MCIDAS: variants seen among roughly 807,000 people sequenced by gnomAD.
MCIDAS encodes multiciliate differentiation and DNA synthesis associated cell cycle protein, also known as multicilin.
In MCIDAS, 23 loss-of-function variants were observed where a neutral mutation model predicts 35.4. That is an observed-to-expected ratio of 0.65 (90% confidence interval 0.47 to 0.92). The LOEUF (loss-of-function observed/expected upper bound fraction) is 0.92. Ranked by LOEUF, MCIDAS falls within the 40% of genes least tolerant of loss-of-function variation. MCIDAS has a pLI of 0.00. For missense variants in MCIDAS, 480 were observed against 531.8 expected (o/e 0.90, Z 0.96); for synonymous variants, 228 against 235.2 (o/e 0.97, Z 0.28).
Position 55,223,838 on chromosome 5 carries a change from G to A in MCIDAS, c.310-815C>T, listed in dbSNP as rs1259510200. Reference sequence around the variant, plus strand: ...CTTTCAGTTTCCCAAAAAGTTGGGAGTACTCTTTTCTCGTACAGCCGGTGC... The same window carrying A: ...CTTTCAGTTTCCCAAAAAGTTGGGAATACTCTTTTCTCGTACAGCCGGTGC... On this transcript the variant is annotated intron_variant, in intron 3 of 6. Transcript: ENST00000513312. The surrounding 1 kb of genome is among the most constrained non-coding windows in gnomAD (Gnocchi z 4.4). Among the ~76,000 whole-genome samples the A allele has an allele frequency of 6.6e-6, 1 of 152,182 alleles. No individual in the cohort carries two copies. The highest frequency in any genetic ancestry group is 1.9e-4 in the East Asian group (1 of 5,188).
chr5:55,222,903 G>A, intron 4 of MCIDAS, 48 bp downstream of exon 4: 2 of 1,498,712 alleles, frequency 1.3e-6, no homozygotes, highest in East Asian at 2.5e-5. Context: ...TGATTTGGGA[G>A]TGGGGGACAC....
intron 3 of MCIDAS, among the ~76,000 whole-genome samples, chr5:55,225,037 A>C (rs1368279601): frequency 6.6e-6 from 1 of 152,036 alleles, no homozygotes; most frequent in Non-Finnish European, 1.5e-5. Flanking sequence ...CCATCTGTAC[A>C]AAAAGTACAG....
At chr5:55,226,713 T>C (rs1437828233) in intron 2 of MCIDAS, 46 bp from the exon 3 acceptor site, 1 of 1,430,610 alleles carries the variant, frequency 7.0e-7, no homozygotes, top group Non-Finnish European at 9.1e-7. Context: ...GCCCTGAGCC[T>C]CTCCGCCAGG....
In MCIDAS at chr5:55,223,114, G is replaced by A; in HGVS notation, c.310-91C>T. 25 of 1,060,762 alleles carry A rather than the reference G, an allele frequency of 2.4e-5. No homozygotes were observed. The highest frequency in any genetic ancestry group is 3.5e-5 in the Non-Finnish European group (25 of 717,794). The allele number at this position is 1,060,762 out of a possible 1,614,324, so 65.7% of individuals were successfully genotyped here. A position where few individuals can be genotyped will look rare whatever the true frequency, so the allele number is the denominator to read the frequency against. ...GGCGTCCCTGTTAAAAATCTGGCAGGCACTATGCAATATATGCACGTAACA... is the reference window on the plus strand; with the variant it reads ...GGCGTCCCTGTTAAAAATCTGGCAGACACTATGCAATATATGCACGTAACA... On this transcript the variant is annotated intron_variant, in intron 3 of 6. Coordinates refer to ENST00000513312, the MANE Select transcript of MCIDAS (RefSeq NM_001190787.3). The surrounding 1 kb of genome is among the most constrained non-coding windows in gnomAD (Gnocchi z 4.4).
Position 55,220,399 on chromosome 5 carries a change from G to C in MCIDAS, c.1125C>G (p.Asn375Lys). Reference protein sequence around the residue: ...QGNAFTIRTANGGYKFRWVPS With the variant: ...QGNAFTIRTAKGGYKFRWVPS ...GGACCCAGCGGAACTTGTAACCCCC[G>C]TTGGCTGTTCTGATGGTGAAGGCAT... The change falls in exon 7 of 7, where the codon AAC becomes AAG. Residue 375 changes from asparagine to lysine, a missense_variant. Physicochemically the swap from Asn to Lys is moderately conservative, Grantham distance 94. Coordinates refer to ENST00000513312, the MANE Select transcript of MCIDAS (RefSeq NM_001190787.3). The C allele has an allele frequency of 6.5e-7, 1 of 1,535,932 alleles. No homozygotes were observed. Among genetic ancestry groups the C allele is most frequent in the South Asian group, 1.2e-5 (1 of 84,042 alleles).
chr5:55,226,416 C>T (rs1338956689), intron 3 of MCIDAS, among the ~76,000 whole-genome samples, 160 bp downstream of exon 3: 1 of 152,228 alleles, frequency 6.6e-6, no homozygotes, highest in Non-Finnish European at 1.5e-5. Context: ...AGTAGAAGTT[C>T]TGATCTGGGA....
In MCIDAS at chr5:55,227,265, T is replaced by C. The variant is rs1745476885; in HGVS notation, c.-127A>G. The C allele has an allele frequency of 7.9e-7, 1 of 1,271,756 alleles. No homozygotes were observed. Among genetic ancestry groups the C allele is most frequent in the Admixed American group, 4.0e-5 (1 of 25,046 alleles). 78.8% of individuals were successfully genotyped at this position (1,271,756 alleles called of 1,614,324 possible). A position where few individuals can be genotyped will look rare whatever the true frequency, so the allele number is the denominator to read the frequency against. Reference sequence around the variant, plus strand: ...CCAGCCAGAGGTTGGGGCAGGCGCGTGACCGAGAAGGAGCCGAGGGGCTGC... The same window carrying C: ...CCAGCCAGAGGTTGGGGCAGGCGCGCGACCGAGAAGGAGCCGAGGGGCTGC... On this transcript the variant is annotated 5_prime_UTR_variant, in exon 1 of 7. Transcript: ENST00000513312.
chr5:55,222,775 C>T (rs1745385238), intron 4 of MCIDAS, among the ~76,000 whole-genome samples, 176 bp downstream of exon 4: 1 of 152,170 alleles, frequency 6.6e-6, no homozygotes. Context: ...TTCGACTTCT[C>T]CACGGGGGAG....
chr5:55,223,009 T>C lies in MCIDAS; in HGVS notation c.324A>G (p.Gln108=), dbSNP rs551260620. Residue 108 remains glutamine (Q), a synonymous_variant, in exon 4 of 7, where the codon CAA becomes CAG. Coordinates refer to ENST00000513312, the MANE Select transcript of MCIDAS (RefSeq NM_001190787.3). The surrounding 1 kb of genome is among the most constrained non-coding windows in gnomAD (Gnocchi z 4.4). ...CTTGCAGATTGAAGTCTGCTTCCGT[T>C]TGGTGGGAATGGTTCTGAAAAAAAC... is the stretch of plus-strand genomic sequence containing the variant. ...DLAASQNHSH[Q]TEADFNLQDF... is the part of the protein sequence containing the mutation. The C allele has an allele frequency of 2.0e-6, 3 of 1,536,122 alleles. No individual in the cohort carries two copies. In the Admixed American group the frequency reaches 5.9e-5, roughly 30 times the overall value.
Position 55,220,935 on chromosome 5 carries a change from G to T in MCIDAS, c.717+81C>A, listed in dbSNP as rs1045124841. On this transcript the variant is annotated intron_variant, in intron 6 of 6. Transcript: ENST00000513312. ...GTACTCTCCTCTCCCGGGCCCCCAC[G>T]GGTCCCGATGCTGGGCGGGGATGCA... is the stretch of plus-strand genomic sequence containing the variant. 13 of 1,452,604 alleles carry T rather than the reference G, an allele frequency of 8.9e-6. No homozygotes were observed. The African/African-American group carries it at 1.8e-4, about 20-fold the overall frequency. The allele number at this position is 1,452,604 out of a possible 1,614,324, so 90.0% of individuals were successfully genotyped here.
rs1378854643 is a variant in MCIDAS, at chr5:55,220,657, C to T, written c.867G>A (p.Glu289=). The T allele has an allele frequency of 1.3e-6, 2 of 1,535,990 alleles. No homozygotes were observed. The highest frequency in any genetic ancestry group is 8.7e-7 in the Non-Finnish European group (1 of 1,146,882). Residue 289 remains glutamate, a synonymous_variant, in exon 7 of 7, where the codon GAG becomes GAA. Transcript: ENST00000513312. ...EVDAILREIS[E]RCDEALQSRD... Reference sequence around the variant, plus strand: ...GGCTCTGAAGGGCTTCATCGCAGCGCTCGGAAATCTCCCTCAGGATGGCGT... The same window carrying T: ...GGCTCTGAAGGGCTTCATCGCAGCGTTCGGAAATCTCCCTCAGGATGGCGT...
Position 55,227,248 on chromosome 5 carries a change from A to T in MCIDAS, c.-110T>A. ...GCCTGCAGGCTCCGAAGCCAGCCAG[A>T]GGTTGGGGCAGGCGCGTGACCGAGA... On this transcript the variant is annotated 5_prime_UTR_variant, in exon 1 of 7. Coordinates refer to ENST00000513312, the MANE Select transcript of MCIDAS (RefSeq NM_001190787.3). 4 of 1,319,736 alleles carry T rather than the reference A, an allele frequency of 3.0e-6. No individual in the cohort carries two copies. In the South Asian group the frequency reaches 7.4e-5, roughly 24 times the overall value. 81.8% of individuals were successfully genotyped at this position (1,319,736 alleles called of 1,614,324 possible). A position where few individuals can be genotyped will look rare whatever the true frequency, so the allele number is the denominator to read the frequency against.
rs372275669 is a variant in MCIDAS at position 55,227,289 on chromosome 5, G to A, written c.-151C>T. 9.3e-7 allele frequency: 1 copy of A among 1,077,304 alleles called. No homozygotes were observed. The highest frequency in any genetic ancestry group is 1.2e-6 in the Non-Finnish European group (1 of 814,998). 66.7% of individuals were successfully genotyped at this position (1,077,304 alleles called of 1,614,324 possible). A position where few individuals can be genotyped will look rare whatever the true frequency, so the allele number is the denominator to read the frequency against. Reference sequence around the variant, plus strand: ...GTGACCGAGAAGGAGCCGAGGGGCTGCCGAGGAGGTGCTGAGAGATGGCGG... The same window carrying A: ...GTGACCGAGAAGGAGCCGAGGGGCTACCGAGGAGGTGCTGAGAGATGGCGG... On this transcript the variant is annotated 5_prime_UTR_variant, in exon 1 of 7. Coordinates refer to ENST00000513312, the MANE Select transcript of MCIDAS (RefSeq NM_001190787.3).
At chr5:55,222,126 A>G in intron 5 of MCIDAS, 50 bp downstream of exon 5, 1 of 1,510,460 alleles carries the variant, frequency 6.6e-7, no homozygotes, top group Non-Finnish European at 8.9e-7. Context: ...TCCACCCTCT[A>G]TATCCTGTCC....
rs1745320510 is a variant in MCIDAS at position 55,220,012 on chromosome 5, G to A, written c.*354C>T. ...TTGCAGGAAATTACTTAATCTCTTA[G>A]AGCCTTCTTTTCCTTCTTATAATAT... On this transcript the variant is annotated 3_prime_UTR_variant, in exon 7 of 7. Coordinates refer to ENST00000513312, the MANE Select transcript of MCIDAS (RefSeq NM_001190787.3). 1 of 188,548 alleles carries A rather than the reference G, an allele frequency of 5.3e-6. No individual in the cohort carries two copies. The highest frequency in any genetic ancestry group is 2.4e-5 in the African/African-American group (1 of 42,248). 11.7% of individuals were successfully genotyped at this position (188,548 alleles called of 1,614,324 possible).
chr5:55,227,256 G>A lies in MCIDAS; in HGVS notation c.-118C>T. On this transcript the variant is annotated 5_prime_UTR_variant, in exon 1 of 7. Coordinates refer to ENST00000513312, the MANE Select transcript of MCIDAS (RefSeq NM_001190787.3). ...GCTCCGAAGCCAGCCAGAGGTTGGG[G>A]CAGGCGCGTGACCGAGAAGGAGCCG... 2 of 1,307,226 alleles carry A rather than the reference G, an allele frequency of 1.5e-6. No homozygotes were observed. The highest frequency in any genetic ancestry group is 2.0e-6 in the Non-Finnish European group (2 of 1,019,126). 81.0% of individuals were successfully genotyped at this position (1,307,226 alleles called of 1,614,324 possible). A position where few individuals can be genotyped will look rare whatever the true frequency, so the allele number is the denominator to read the frequency against.
Position 55,222,341 on chromosome 5 carries a change from G to T in MCIDAS, c.441C>A (p.Cys147Ter), listed in dbSNP as rs777031813. 4 of 1,533,858 alleles carry T rather than the reference G, an allele frequency of 2.6e-6. No homozygotes were observed. Among genetic ancestry groups the T allele is most frequent in the South Asian group, 2.4e-5 (2 of 83,912 alleles). Residue 147 changes from cysteine to a stop codon, truncating the protein, a stop_gained, in exon 5 of 7, where the codon TGC becomes TGA. Coordinates refer to ENST00000513312, the MANE Select transcript of MCIDAS (RefSeq NM_001190787.3). LOFTEE classifies it high-confidence loss of function. ...GGCAGGGCCCGAATGGTGATATGTC[G>T]CAAGGAGAGAAGGGGAAGTCTCCGC... Reference protein sequence around the residue: ...LASGDFPFSPCDISPFGPCLS... With the variant: ...LASGDFPFSP
rs1745402100 is a variant in MCIDAS at position 55,223,523 on chromosome 5, C to T, written c.310-500G>A. ...AAGCAGCCGCCTCTGTGAAGCTCGGCGGTTCCCTGTGCGCCTGCGAAATTT... is the reference window on the plus strand; with the variant it reads ...AAGCAGCCGCCTCTGTGAAGCTCGGTGGTTCCCTGTGCGCCTGCGAAATTT... On this transcript the variant is annotated intron_variant, in intron 3 of 6. Coordinates refer to ENST00000513312, the MANE Select transcript of MCIDAS (RefSeq NM_001190787.3). This position sits in a 1 kb window ranked among gnomAD's most constrained non-coding sequence, Gnocchi z 4.4. Among the ~76,000 whole-genome samples, 1 of 152,232 alleles carries T rather than the reference C, an allele frequency of 6.6e-6. No individual in the cohort carries two copies. Among genetic ancestry groups the T allele is most frequent in the African/African-American group, 2.4e-5 (1 of 41,466 alleles).
At chr5:55,222,641 C>A (rs889165002) in intron 4 of MCIDAS, among the ~76,000 whole-genome samples, 1 of 152,150 alleles carries the variant, frequency 6.6e-6, no homozygotes, top group East Asian at 1.9e-4. Context: ...TGGGCCTGCA[C>A]GTCACACAGG....
Sources: allele counts gnomAD v4.1 joint callset (sites outside exome capture counted in the v4.1 genomes callset), GRCh38; gene constraint gnomAD v4.1.1; non-coding constraint Gnocchi (gnomAD v3.1); transcripts MANE v1.5; gene names NCBI Gene and HGNC (gene_info 2026-07-23, HGNC 2026-07-21).